BBS9: variants seen among roughly 807,000 people sequenced by gnomAD.
The protein encoded by BBS9 is protein PTHB1.
A neutral mutation model predicts 117.7 loss-of-function variants in BBS9; 89 were observed. The observed-to-expected ratio is 0.76, with a 90% CI of 0.64 to 0.90. BBS9 has a LOEUF of 0.90. Ranked by LOEUF, BBS9 falls within the 40% of genes least tolerant of loss-of-function variation. BBS9 has a pLI of 0.00. For missense variants in BBS9, 982 were observed against 1,042.2 expected (o/e 0.94, Z 0.80); for synonymous variants, 379 against 370.9 (o/e 1.02, Z -0.25).
intron 20 of BBS9, among the ~76,000 whole-genome samples, chr7:33,516,487 CAAAAA>C (rs61006845): frequency 1.9e-4 from 10 of 51,520 alleles, no homozygotes; most frequent in Admixed American, 1.2e-3. Context: ...ATTTCATCTC[CAAAAA>C]AAAAAAAAAA....
intron 21 of BBS9, among the ~76,000 whole-genome samples, chr7:33,602,527 G>A (rs780712439): frequency 3.3e-5 from 5 of 152,126 alleles, no homozygotes; most frequent in Admixed American, 6.5e-5. Flanking sequence ...TTGGAAGTTC[G>A]AGACCAGCCT....
chr7:33,196,566 C>T (rs2128203785), intron 5 of BBS9, among the ~76,000 whole-genome samples: 1 of 152,260 alleles, frequency 6.6e-6, no homozygotes, highest in African/African-American at 2.4e-5. Context: ...CACCAGTGAA[C>T]CATATGGCCC....
intron 5 of BBS9, among the ~76,000 whole-genome samples, chr7:33,191,890 T>C (rs985361959): frequency 6.6e-6 from 1 of 152,112 alleles, no homozygotes; most frequent in Non-Finnish European, 1.5e-5. Flanking sequence ...AGGATGTATA[T>C]ACTTTTGTTA....
intron 19 of BBS9, among the ~76,000 whole-genome samples, chr7:33,416,669 C>T (rs1261912491): frequency 6.6e-6 from 1 of 152,184 alleles, no homozygotes; most frequent in Non-Finnish European, 1.5e-5. Flanking sequence ...CTCAACAGTG[C>T]ATGTGACAGC....
intron 19 of BBS9, among the ~76,000 whole-genome samples, chr7:33,501,109 C>T (rs1026166265): frequency 6.6e-6 from 1 of 152,184 alleles, no homozygotes; most frequent in Admixed American, 6.5e-5. Flanking sequence ...CCTTAAAAAT[C>T]GCTCTCCCTC....
chr7:33,380,508 G>A (rs891381328), intron 17 of BBS9: 3 of 152,650 alleles, frequency 2.0e-5, no homozygotes, highest in African/African-American at 7.2e-5. Context: ...CCCCTGCCTG[G>A]ACTTCACAGT....
intron 5 of BBS9, among the ~76,000 whole-genome samples, chr7:33,247,166 T>C (rs189538921): frequency 1.3e-5 from 2 of 152,302 alleles, no homozygotes; most frequent in Admixed American, 1.3e-4. Flanking sequence ...TTTAAGTTTT[T>C]CAATTTTAAG....
At chr7:33,503,683 C>A (rs187810273) in intron 19 of BBS9, among the ~76,000 whole-genome samples, 25 of 150,948 alleles carry the variant, frequency 1.7e-4, no homozygotes, top group Non-Finnish European at 3.4e-4. Flanking sequence ...GACTTTTTGA[C>A]AATAAGCATC....
chr7:33,545,289 A>AC (rs1563336720), intron 21 of BBS9, among the ~76,000 whole-genome samples: 1 of 151,922 alleles, frequency 6.6e-6, no homozygotes, highest in Non-Finnish European at 1.5e-5. Context: ...GTGGAGTTTT[A>AC]CCCCCTGTTC....
At chr7:33,542,797 A>ATT (rs1852595137) in intron 21 of BBS9, among the ~76,000 whole-genome samples, 1 of 17,770 alleles carries the variant, frequency 5.6e-5, no homozygotes, top group African/African-American at 5.1e-4. Context: ...ATGTACACAC[A>ATT]CACACACACA....
intron 10 of BBS9, among the ~76,000 whole-genome samples, chr7:33,339,523 T>C (rs1816081657): frequency 6.6e-6 from 1 of 152,222 alleles, no homozygotes; most frequent in Non-Finnish European, 1.5e-5. Flanking sequence ...ATAGCAGTTG[T>C]AGGCAGTTCC....
intron 19 of BBS9, among the ~76,000 whole-genome samples, chr7:33,478,374 G>A (rs1842076163): frequency 6.6e-6 from 1 of 152,098 alleles, no homozygotes; most frequent in Non-Finnish European, 1.5e-5. Context: ...GCCAATATAT[G>A]TAATTTTATT....
chr7:33,505,523 A>G lies in BBS9; in HGVS notation c.2176A>G (p.Arg726Gly). ...AGGCAATCTGTTCCAGTCATTCACC[A>G]GGCTGAAGAGTGCCACCCATTTGGT... ...NQGNLFQSFT[R>G]LKSATHLVIL... is the part of the protein sequence containing the mutation. The change falls in exon 20 of 23, where the codon AGG becomes GGG. Residue 726 changes from arginine (R) to glycine (G), a missense_variant. By Grantham distance (125) the Arg-to-Gly change is moderately radical. Transcript: ENST00000242067. 1 of 1,614,176 alleles carries G rather than the reference A, an allele frequency of 6.2e-7. No homozygotes were observed. The highest frequency in any genetic ancestry group is 8.5e-7 in the Non-Finnish European group (1 of 1,179,980).
intron 5 of BBS9, among the ~76,000 whole-genome samples, chr7:33,184,552 A>C (rs1225163245): frequency 6.6e-6 from 1 of 152,156 alleles, no homozygotes; most frequent in African/African-American, 2.4e-5. Context: ...CTTACTTTTT[A>C]TTAAGAGGGT....
chr7:33,254,414 G>A (rs1244819113), intron 5 of BBS9, among the ~76,000 whole-genome samples: 2 of 152,120 alleles, frequency 1.3e-5, no homozygotes, highest in African/African-American at 2.4e-5. Flanking sequence ...TCTTCAAGGT[G>A]TGTACAATGT....
intron 20 of BBS9, among the ~76,000 whole-genome samples, chr7:33,527,038 G>T (rs1435145197): frequency 1.4e-5 from 2 of 140,934 alleles, no homozygotes; most frequent in Non-Finnish European, 3.1e-5. Flanking sequence ...CTGTTGGGGG[G>T]TGCCTCCCAG....
intron 21 of BBS9, among the ~76,000 whole-genome samples, chr7:33,567,520 G>C (rs1857102648): frequency 6.6e-6 from 1 of 152,056 alleles, no homozygotes; most frequent in Non-Finnish European, 1.5e-5. Context: ...CTCCTTCTCA[G>C]CCTCTTTCAT....
rs147714245 is a variant in BBS9 at position 33,499,973 on chromosome 7, G to A, written c.2116-5490G>A. On this transcript the variant is annotated intron_variant, in intron 19 of 22. Coordinates refer to ENST00000242067, the MANE Select transcript of BBS9 (RefSeq NM_198428.3). ...CTTGAAAAAAGTAGCTTCACTAAAGGAGCAGGCCTAGAAAATGTCTGTTTT... is the reference window on the plus strand; with the variant it reads ...CTTGAAAAAAGTAGCTTCACTAAAGAAGCAGGCCTAGAAAATGTCTGTTTT... Among the ~76,000 whole-genome samples the A allele has an allele frequency of 2.0e-3, 306 of 152,220 alleles. 2 individuals carry two copies. The highest frequency in any genetic ancestry group is 3.9e-3 in the South Asian group (19 of 4,826).
intron 5 of BBS9, among the ~76,000 whole-genome samples, chr7:33,200,160 A>G (rs952297057): frequency 6.6e-6 from 1 of 152,136 alleles, no homozygotes; most frequent in Non-Finnish European, 1.5e-5. Context: ...CCTTCCAATT[A>G]TATCACTGTT....
Sources: allele counts gnomAD v4.1 joint callset (sites outside exome capture counted in the v4.1 genomes callset), GRCh38; gene constraint gnomAD v4.1.1; transcripts MANE v1.5; gene names NCBI Gene and HGNC (gene_info 2026-07-23, HGNC 2026-07-21).